Variants in CLTCL1 observed in about 807,000 individuals in gnomAD.
CLTCL1 encodes clathrin heavy chain 2.
In CLTCL1, 159 loss-of-function variants were observed where a neutral mutation model predicts 190.0. The ratio of observed to expected loss-of-function variants is 0.84; its 90% CI spans 0.74 to 0.95. The LOEUF is 0.95. CLTCL1 is among the 40% of genes least tolerant of loss of function. CLTCL1 has a pLI of 0.00. For missense variants in CLTCL1, 1,878 were observed against 2,033.4 expected (o/e 0.92, Z 1.47); for synonymous variants, 752 against 769.6 (o/e 0.98, Z 0.38).
intron 2 of CLTCL1, among the ~76,000 whole-genome samples, chr22:19,259,990 A>G (rs926500205): frequency 6.6e-6 from 1 of 152,244 alleles, no homozygotes; most frequent in Non-Finnish European, 1.5e-5. Context: ...ATAAGAAAAC[A>G]AACAGCCTTA....
chr22:19,230,469 C>A (rs948650400), intron 10 of CLTCL1, among the ~76,000 whole-genome samples: 5 of 152,060 alleles, frequency 3.3e-5, no homozygotes, highest in Non-Finnish European at 7.3e-5. Flanking sequence ...TGCCTATAGT[C>A]CCAGCTACTC....
intron 1 of CLTCL1, among the ~76,000 whole-genome samples, chr22:19,279,146 T>G (rs190095077): frequency 6.6e-6 from 1 of 151,346 alleles, no homozygotes; most frequent in Non-Finnish European, 1.5e-5. Flanking sequence ...ATGTATTTAT[T>G]TATTTATTTG....
At position 19,211,781 on chromosome 22, in the gene CLTCL1, AAAC is replaced by A. The variant is rs1414309436; in HGVS notation, c.3066-1275_3066-1273del. Among the ~76,000 whole-genome samples, 6 of 149,892 alleles carry A rather than the reference AAAC, an allele frequency of 4.0e-5. No individual in the cohort carries two copies. The East Asian group carries it at 7.8e-4, about 19-fold the overall frequency. ...GATTGCATCTCAAAAAAAAAAAAAA[AAAC>A]AAAAACAAAACTGTCCCAATTTGCA... On this transcript the variant is annotated intron_variant, in intron 19 of 32. Coordinates refer to ENST00000427926, the MANE Select transcript of CLTCL1 (RefSeq NM_007098.4).
At chr22:19,230,597 T>A (rs527262034) in intron 10 of CLTCL1, among the ~76,000 whole-genome samples, 1 of 152,292 alleles carries the variant, frequency 6.6e-6, no homozygotes, top group African/African-American at 2.4e-5. Flanking sequence ...ATTAATTTAT[T>A]AATAATCTTG....
Position 19,252,290 on chromosome 22 carries a change from A to G in CLTCL1, c.519+1669T>C, listed in dbSNP as rs1364653662. 4.6e-5 allele frequency among the ~76,000 whole-genome samples: 7 copies of G among 152,280 alleles called. 1 individual carries two copies. The highest frequency in any genetic ancestry group is 4.6e-4 in the Admixed American group (7 of 15,292). ...CACTCTCACTCAAAACCTGCTACAT[A>G]ATTCCCATTGCCTGCAGTCTGGCCC... On this transcript the variant is annotated intron_variant, in intron 3 of 32. Transcript: ENST00000427926.
chr22:19,231,981 G>A (rs1418033067), intron 10 of CLTCL1, among the ~76,000 whole-genome samples: 1 of 152,120 alleles, frequency 6.6e-6, no homozygotes, highest in Non-Finnish European at 1.5e-5. Flanking sequence ...AAAGCTCCTT[G>A]TACCAATTTA....
At chr22:19,213,834 AT>A (rs1162038447) in intron 19 of CLTCL1, among the ~76,000 whole-genome samples, 1 of 151,988 alleles carries the variant, frequency 6.6e-6, no homozygotes, top group African/African-American at 2.4e-5. Flanking sequence ...GGGTGATGGA[AT>A]TGTTTGTATC....
intron 2 of CLTCL1, among the ~76,000 whole-genome samples, chr22:19,272,639 T>A (rs1555981257): frequency 6.6e-6 from 1 of 151,864 alleles, no homozygotes; most frequent in Non-Finnish European, 1.5e-5. Context: ...CCCAGCTAAT[T>A]TTTGTATTTT....
At chr22:19,257,857 A>T (rs1569231498) in intron 2 of CLTCL1, 1 of 1,410,646 alleles carries the variant, frequency 7.1e-7, no homozygotes, top group Admixed American at 1.8e-5. Context: ...GAGAGCAAAA[A>T]CCGGGAGCAC....
chr22:19,195,238 C>T (rs887352963), intron 26 of CLTCL1, among the ~76,000 whole-genome samples: 4 of 152,122 alleles, frequency 2.6e-5, no homozygotes, highest in Non-Finnish European at 4.4e-5. Context: ...ATGACCTGGC[C>T]GCACTCCCTC....
intron 22 of CLTCL1, chr22:19,207,545 C>CT (rs1182616412): frequency 2.5e-6 from 1 of 402,506 alleles, no homozygotes; most frequent in Non-Finnish European, 4.4e-6. Context: ...TTCTCATGAT[C>CT]TTTATCTGCA....
chr22:19,225,469 G>T lies in CLTCL1; in HGVS notation c.2112C>A (p.Ser704=). ...ATGGTTTACCTTTGTAACTCTTGAA[G>T]GATTCAAAGAGCTCCACCAGGGCCT... The part of the protein sequence containing the change: ...GTQALVELFE[S]FKSYKGLFYF... The change falls in exon 13 of 33, where the codon TCC becomes TCA. Residue 704 remains serine (S), a synonymous_variant. Coordinates refer to ENST00000427926, the MANE Select transcript of CLTCL1 (RefSeq NM_007098.4). 6.3e-7 allele frequency: 1 copy of T among 1,584,010 alleles called. No homozygotes were observed. Among genetic ancestry groups the T allele is most frequent in the Non-Finnish European group, 8.6e-7 (1 of 1,164,458 alleles).
chr22:19,201,509 T>C lies in CLTCL1; in HGVS notation c.3601-16A>G, dbSNP rs202094518. The C allele has an allele frequency of 6.6e-4, 1,065 of 1,602,556 alleles. 1 individual carries two copies. The highest frequency in any genetic ancestry group is 8.9e-4 in the Non-Finnish European group (1,045 of 1,171,594). On this transcript the variant is annotated splice_polypyrimidine_tract_variant and intron_variant, in intron 22 of 32. Coordinates refer to ENST00000427926, the MANE Select transcript of CLTCL1 (RefSeq NM_007098.4). Reference sequence around the variant, plus strand: ...GGTCTCCAACCTACGGATAATAGGGTAGCTCGACTGAGACACTCTTCAATG... The same window carrying C: ...GGTCTCCAACCTACGGATAATAGGGCAGCTCGACTGAGACACTCTTCAATG...
At chr22:19,204,676 T>C (rs1555941777) in intron 22 of CLTCL1, among the ~76,000 whole-genome samples, 1 of 152,222 alleles carries the variant, frequency 6.6e-6, no homozygotes, top group African/African-American at 2.4e-5. Flanking sequence ...GGGGTAAGCA[T>C]GTAAGACTTG....
At chr22:19,248,468 T>C (rs1181199591) in intron 3 of CLTCL1, among the ~76,000 whole-genome samples, 1 of 152,166 alleles carries the variant, frequency 6.6e-6, no homozygotes, top group Non-Finnish European at 1.5e-5. Context: ...CTTCGTATAC[T>C]CAGAGGGCTG....
At chr22:19,199,231 C>T (rs2084804014) in intron 24 of CLTCL1, among the ~76,000 whole-genome samples, 1 of 152,154 alleles carries the variant, frequency 6.6e-6, no homozygotes, top group African/African-American at 2.4e-5. Flanking sequence ...CACTGTCTAC[C>T]AACCACTCAA....
intron 19 of CLTCL1, among the ~76,000 whole-genome samples, chr22:19,215,841 T>C (rs1569181222): frequency 6.6e-6 from 1 of 152,144 alleles, no homozygotes; most frequent in African/African-American, 2.4e-5. Flanking sequence ...TCTCTGAGCA[T>C]TGTGTTAAAG....
Position 19,220,012 on chromosome 22 carries a change from A to G in CLTCL1, c.2797-5T>C, listed in dbSNP as rs1555951520. 6.2e-7 allele frequency: 1 copy of G among 1,613,924 alleles called. No homozygotes were observed. The highest frequency in any genetic ancestry group is 1.7e-5 in the Admixed American group (1 of 60,024). ...CAGAGAATTCTCATTGCACACCTGA[A>G]ATGAGCACACTCATGTGTGTGACAC... On this transcript the variant is annotated splice_region_variant and splice_polypyrimidine_tract_variant and intron_variant, in intron 17 of 32. Coordinates refer to ENST00000427926, the MANE Select transcript of CLTCL1 (RefSeq NM_007098.4).
chr22:19,185,861 G>A (rs1015021268), intron 29 of CLTCL1, among the ~76,000 whole-genome samples: 5 of 152,202 alleles, frequency 3.3e-5, no homozygotes, highest in Non-Finnish European at 7.3e-5. Flanking sequence ...CCTCAGGTGC[G>A]TCTGAGCCCA....
Sources: allele counts gnomAD v4.1 joint callset (sites outside exome capture counted in the v4.1 genomes callset), GRCh38; gene constraint gnomAD v4.1.1; transcripts MANE v1.5; gene names NCBI Gene and HGNC (gene_info 2026-07-23, HGNC 2026-07-21).